Variants in CSMD1 observed in about 807,000 individuals in gnomAD.
The protein encoded by CSMD1 is CUB and sushi domain-containing protein 1.
A neutral mutation model predicts 417.5 loss-of-function variants in CSMD1; 213 were observed. The ratio of observed to expected loss-of-function variants is 0.51; its 90% confidence interval spans 0.46 to 0.57. The LOEUF is 0.57. Among genes scored for constraint, CSMD1 ranks in the 20% least tolerant of loss-of-function variants. The pLI, the probability that CSMD1 is intolerant of heterozygous loss-of-function variation, is 0.00. For missense variants in CSMD1, 6,923 were observed against 4,529.7 expected (o/e 1.53, Z -15.17); for synonymous variants, 2,862 against 1,736.8 (o/e 1.65, Z -16.11).
chr8:4,662,596 G>C (rs549896122), intron 1 of CSMD1, among the ~76,000 whole-genome samples: 5 of 152,314 alleles, frequency 3.3e-5, no homozygotes, highest in Admixed American at 1.3e-4. Flanking sequence ...AACAATGCCA[G>C]TCTTGACGGC....
At chr8:3,538,613 C>G (rs963732565) in intron 10 of CSMD1, among the ~76,000 whole-genome samples, 1 of 152,238 alleles carries the variant, frequency 6.6e-6, no homozygotes, top group Non-Finnish European at 1.5e-5. Context: ...AGCCCCATTC[C>G]CCACCACTCA....
At chr8:3,694,333 G>C (rs752551039) in intron 7 of CSMD1, among the ~76,000 whole-genome samples, 3 of 152,206 alleles carry the variant, frequency 2.0e-5, no homozygotes, top group South Asian at 2.1e-4. Context: ...TGACTGAGCA[G>C]ACAGACAGGG....
chr8:4,398,481 C>T (rs1023151456), intron 3 of CSMD1, among the ~76,000 whole-genome samples: 3 of 146,876 alleles, frequency 2.0e-5, no homozygotes, highest in African/African-American at 7.5e-5. Flanking sequence ...GCAACCTCCT[C>T]TCCTGGGTTC....
At chr8:3,883,787 A>G (rs1010680631) in intron 5 of CSMD1, among the ~76,000 whole-genome samples, 7 of 152,252 alleles carry the variant, frequency 4.6e-5, no homozygotes, top group Admixed American at 2.6e-4. Flanking sequence ...GCAGCTTTTA[A>G]ATCTACTTAA....
intron 10 of CSMD1, among the ~76,000 whole-genome samples, chr8:3,501,249 C>A (rs1052426455): frequency 1.3e-5 from 2 of 152,098 alleles, no homozygotes; most frequent in Non-Finnish European, 2.9e-5. Context: ...CACATGCTCA[C>A]ACACACAGGC....
intron 10 of CSMD1, among the ~76,000 whole-genome samples, chr8:3,516,717 G>C (rs1797297152): frequency 1.3e-5 from 2 of 152,104 alleles, no homozygotes; most frequent in South Asian, 2.1e-4. Flanking sequence ...GTGGAGATTT[G>C]TGATATTTTG....
chr8:4,909,610 C>A (rs1414164010), intron 1 of CSMD1, among the ~76,000 whole-genome samples: 1 of 152,252 alleles, frequency 6.6e-6, no homozygotes, highest in East Asian at 1.9e-4. Flanking sequence ...TCACCGTGAG[C>A]ACTTCATGGG....
At chr8:4,199,197 A>C (rs1435741544) in intron 3 of CSMD1, among the ~76,000 whole-genome samples, 5 of 148,686 alleles carry the variant, frequency 3.4e-5, no homozygotes, top group Non-Finnish European at 4.5e-5. Context: ...AGAAACATTA[A>C]AAAATACAAT....
At chr8:4,908,394 T>C (rs1226888697) in intron 1 of CSMD1, among the ~76,000 whole-genome samples, 1 of 152,206 alleles carries the variant, frequency 6.6e-6, no homozygotes, top group Non-Finnish European at 1.5e-5. Flanking sequence ...TAGTTTAGTG[T>C]CTATCATTAA....
chr8:4,233,693 A>C (rs911456138), intron 3 of CSMD1, among the ~76,000 whole-genome samples: 1 of 152,156 alleles, frequency 6.6e-6, no homozygotes, highest in Non-Finnish European at 1.5e-5. Flanking sequence ...AATGTATGGA[A>C]TTTTGGTACA....
chr8:3,210,155 T>A (rs1165029352), intron 30 of CSMD1, among the ~76,000 whole-genome samples: 4 of 152,180 alleles, frequency 2.6e-5, no homozygotes, highest in African/African-American at 7.2e-5. Flanking sequence ...TTGATCTGAA[T>A]AAATCACAGG....
At chr8:4,609,501 C>G (rs113947498) in intron 2 of CSMD1, among the ~76,000 whole-genome samples, 3 of 152,286 alleles carry the variant, frequency 2.0e-5, no homozygotes, top group African/African-American at 7.2e-5. Flanking sequence ...TTCAATAACT[C>G]ACTAATTAGC....
chr8:4,333,412 AC>A (rs1416817741), intron 3 of CSMD1, among the ~76,000 whole-genome samples: 1 of 152,028 alleles, frequency 6.6e-6, no homozygotes, highest in Non-Finnish European at 1.5e-5. Flanking sequence ...TGTCTCCTCA[AC>A]TACCTGTTGC....
At chr8:3,928,310 A>G (rs1316330657) in intron 5 of CSMD1, among the ~76,000 whole-genome samples, 1 of 152,158 alleles carries the variant, frequency 6.6e-6, no homozygotes, top group Non-Finnish European at 1.5e-5. Flanking sequence ...TCTTGAATGT[A>G]TTTTTCTTTT....
chr8:3,658,603 C>A (rs1266698251), intron 7 of CSMD1, among the ~76,000 whole-genome samples: 2 of 151,568 alleles, frequency 1.3e-5, no homozygotes, highest in Non-Finnish European at 2.9e-5. Flanking sequence ...GCCAACATGA[C>A]AAAACCCCAT....
rs568882590 is a variant in CSMD1 at position 2,938,407 on chromosome 8, C to T, written c.*178G>A. On this transcript the variant is annotated 3_prime_UTR_variant, in exon 70 of 70. Transcript: ENST00000635120. The stretch of plus-strand genomic sequence containing the variant: ...ATGAAAACGCATGTGTAGTTTGATC[C>T]GTAGAAGACCCTGACACATTTGAGT... The T allele has an allele frequency of 1.8e-5, 10 of 566,554 alleles. No individual in the cohort carries two copies. The highest frequency in any genetic ancestry group is 7.0e-5 in the Admixed American group (2 of 28,538). 35.1% of individuals were successfully genotyped at this position (566,554 alleles called of 1,614,324 possible).
intron 37 of CSMD1, among the ~76,000 whole-genome samples, chr8:3,178,969 A>C (rs541385729): frequency 1.4e-5 from 2 of 141,068 alleles, no homozygotes; most frequent in Non-Finnish European, 1.5e-5. Context: ...TTTTTTTGAG[A>C]CGGAGTCTCA....
At chr8:4,111,574 G>C (rs13268310) in intron 3 of CSMD1, among the ~76,000 whole-genome samples, 4 of 151,966 alleles carry the variant, frequency 2.6e-5, no homozygotes, top group African/African-American at 9.7e-5. Flanking sequence ...ATACACCATG[G>C]AATACTATGC....
intron 1 of CSMD1, among the ~76,000 whole-genome samples, chr8:4,797,850 A>T (rs562092066): frequency 6.6e-6 from 1 of 152,188 alleles, no homozygotes; most frequent in Admixed American, 6.5e-5. Context: ...GAAACCATAT[A>T]AAGACATTTC....
Sources: allele counts gnomAD v4.1 joint callset (sites outside exome capture counted in the v4.1 genomes callset), GRCh38; gene constraint gnomAD v4.1.1; transcripts MANE v1.5; gene names NCBI Gene and HGNC (gene_info 2026-07-23, HGNC 2026-07-21).